USP32: variants seen among roughly 807,000 people sequenced by gnomAD.
The protein encoded by USP32 is ubiquitin specific peptidase 32, also known as ubiquitin carboxyl-terminal hydrolase 32.
In USP32, 59 loss-of-function variants were observed where a neutral mutation model predicts 204.8. The observed-to-expected ratio is 0.29, with a 90% CI of 0.23 to 0.36. USP32 has a LOEUF of 0.36. USP32 is among the 10% of genes least tolerant of loss of function. USP32 has a pLI of 1.00. For missense variants in USP32, 1,160 were observed against 1,946.4 expected (o/e 0.60, Z 7.60); for synonymous variants, 517 against 678.4 (o/e 0.76, Z 3.70).
At chr17:60,367,875 CT>C (rs1006625287) in intron 1 of USP32, among the ~76,000 whole-genome samples, 32 of 149,326 alleles carry the variant, frequency 2.1e-4, no homozygotes, top group African/African-American at 5.2e-4. Context: ...CACGTACAGG[CT>C]TTTTTTTTTC....
rs895369282 is a variant in USP32, at chr17:60,177,797, A to T, written c.*1458T>A. Among the ~76,000 whole-genome samples the T allele has an allele frequency of 1.3e-5, 2 of 152,232 alleles. No homozygotes were observed. The highest frequency in any genetic ancestry group is 2.9e-5 in the Non-Finnish European group (2 of 68,032). ...CTAGATATTAATAGTTACTGGCCTCAGATATCAGAACACAAATACTTAGTT... is the reference window on the plus strand; with the variant it reads ...CTAGATATTAATAGTTACTGGCCTCTGATATCAGAACACAAATACTTAGTT... On this transcript the variant is annotated 3_prime_UTR_variant, in exon 34 of 34. Transcript: ENST00000300896.
At chr17:60,349,593 AAAAATAT>A (rs1461859371) in intron 1 of USP32, among the ~76,000 whole-genome samples, 2 of 49,988 alleles carry the variant, frequency 4.0e-5, no homozygotes, top group Non-Finnish European at 3.3e-5. Context: ...AAAAAAAAAA[AAAAATAT>A]ATATATATAT....
At chr17:60,298,943 C>A (rs2087505451) in intron 3 of USP32, among the ~76,000 whole-genome samples, 1 of 152,092 alleles carries the variant, frequency 6.6e-6, no homozygotes, top group East Asian at 1.9e-4. Flanking sequence ...GGCAACCTAG[C>A]AAGACCCTAT....
At chr17:60,340,395 T>A (rs961606089) in intron 2 of USP32, among the ~76,000 whole-genome samples, 2 of 152,232 alleles carry the variant, frequency 1.3e-5, no homozygotes, top group African/African-American at 4.8e-5. Context: ...CTGGGCAAGA[T>A]GGCAAAACCA....
At chr17:60,414,545 C>T (rs1315694685) in intron 1 of USP32, among the ~76,000 whole-genome samples, 2 of 150,390 alleles carry the variant, frequency 1.3e-5, no homozygotes, top group Non-Finnish European at 3.0e-5. Flanking sequence ...TCTCATGTCT[C>T]AGCCTCCTGA....
chr17:60,194,637 G>C (rs2084468196), intron 27 of USP32, among the ~76,000 whole-genome samples: 1 of 152,124 alleles, frequency 6.6e-6, no homozygotes, highest in Non-Finnish European at 1.5e-5. Context: ...CAGTAACTTG[G>C]TCTTCTCTTT....
intron 1 of USP32, among the ~76,000 whole-genome samples, chr17:60,375,037 C>G (rs1348485700): frequency 6.6e-6 from 1 of 152,144 alleles, no homozygotes. Flanking sequence ...GTGATGAGAT[C>G]ATTAGTGAAA....
chr17:60,367,300 G>A (rs569430046), intron 1 of USP32, among the ~76,000 whole-genome samples: 1 of 152,134 alleles, frequency 6.6e-6, no homozygotes, highest in Non-Finnish European at 1.5e-5. Context: ...CTTGAACTCA[G>A]GAGTTCAAGA....
At chr17:60,362,495 C>T (rs1386181400) in intron 1 of USP32, among the ~76,000 whole-genome samples, 1 of 152,082 alleles carries the variant, frequency 6.6e-6, no homozygotes, top group Non-Finnish European at 1.5e-5. Flanking sequence ...GAAAACTGCC[C>T]ACAAGAACAG....
intron 26 of USP32, among the ~76,000 whole-genome samples, chr17:60,199,338 T>C (rs2084614247): frequency 1.3e-5 from 2 of 152,154 alleles, no homozygotes; most frequent in Non-Finnish European, 2.9e-5. Context: ...AAATACAGGA[T>C]AGGATAAAAG....
intron 9 of USP32, among the ~76,000 whole-genome samples, chr17:60,263,158 G>C (rs1379733384): frequency 6.6e-6 from 1 of 151,960 alleles, no homozygotes; most frequent in African/African-American, 2.4e-5. Context: ...ATGTTACCCA[G>C]GCTGGTCGAG....
At chr17:60,339,572 A>C (rs1020918512) in intron 2 of USP32, among the ~76,000 whole-genome samples, 1 of 149,398 alleles carries the variant, frequency 6.7e-6, no homozygotes, top group African/African-American at 2.5e-5. Context: ...AACAAGAGCA[A>C]AACTCCATCT....
chr17:60,401,446 T>C lies in USP32; in HGVS notation c.106+20800A>G, dbSNP rs73322687. Among the ~76,000 whole-genome samples, 462 of 152,292 alleles carry C rather than the reference T, an allele frequency of 3.0e-3. 2 individuals are homozygous for C. Among genetic ancestry groups the C allele is most frequent in the African/African-American group, 9.5e-3 (394 of 41,556 alleles). On this transcript the variant is annotated intron_variant, in intron 1 of 3. Transcript: ENST00000588898. ...AGGTAGATAGATCTTAGGAGCTTTA[T>C]TGGTTTTTGTCAGGTTTCTGTTTTA...
chr17:60,369,573 G>A (rs975580907), intron 1 of USP32, among the ~76,000 whole-genome samples: 2 of 151,876 alleles, frequency 1.3e-5, no homozygotes, highest in East Asian at 3.9e-4. Flanking sequence ...TAAAACTTCA[G>A]AAGTGAAACA....
intron 6 of USP32, 49 bp downstream of exon 6, chr17:60,271,301 T>G: frequency 1.9e-6 from 3 of 1,600,186 alleles, no homozygotes; most frequent in Non-Finnish European, 2.6e-6. Flanking sequence ...TGAGATGGGC[T>G]CAGGTATGTT....
upstream of USP32, among the ~76,000 whole-genome samples, chr17:60,393,780 G>A (rs748754291): frequency 1.3e-5 from 2 of 151,886 alleles, no homozygotes; most frequent in Admixed American, 6.6e-5. Flanking sequence ...TGCCTCTCTG[G>A]TTCAAGCGAC....
At chr17:60,291,669 C>A (rs999933014) in intron 4 of USP32, among the ~76,000 whole-genome samples, 1 of 151,840 alleles carries the variant, frequency 6.6e-6, no homozygotes, top group Non-Finnish European at 1.5e-5. Flanking sequence ...ATGCAATCAT[C>A]GACACACTAC....
chr17:60,392,671 A>T (rs1204430140), upstream of USP32: 2 of 442,934 alleles, frequency 4.5e-6, no homozygotes, highest in Non-Finnish European at 9.0e-6. Context: ...AACCTTAGGG[A>T]CGTCTTTGAC....
At chr17:60,206,641 G>A (rs2084834656) in intron 25 of USP32, among the ~76,000 whole-genome samples, 1 of 151,036 alleles carries the variant, frequency 6.6e-6, no homozygotes, top group African/African-American at 2.5e-5. Flanking sequence ...GCATACTAGT[G>A]GCTAAAAGGA....
Sources: gnomAD v4.1 joint callset for allele counts (sites outside exome capture counted in the v4.1 genomes callset) on GRCh38, gnomAD v4.1.1 for gene constraint, MANE v1.5 for transcripts, NCBI Gene and HGNC (gene_info 2026-07-23, HGNC 2026-07-21) for gene names.